DST: variants seen among roughly 807,000 people sequenced by gnomAD.
DST encodes bullous pemphigoid antigen.
Under a neutral mutation model 875.2 loss-of-function variants are expected in DST, and 253 were observed. That is an observed-to-expected ratio of 0.29 (90% CI 0.26 to 0.32). The LOEUF is 0.32. Among genes scored for constraint, DST ranks in the 10% least tolerant of loss-of-function variants. The probability of loss-of-function intolerance (pLI) is 1.00; values close to 1 mark genes in which losing one functional copy is unlikely to be tolerated. For missense variants in DST, 8,287 were observed against 9,111.6 expected (o/e 0.91, Z 3.68); for synonymous variants, 3,124 against 3,197.1 (o/e 0.98, Z 0.77).
intron 4 of DST, among the ~76,000 whole-genome samples, chr6:56,771,283 T>C (rs1234467973): frequency 6.6e-6 from 1 of 152,114 alleles, no homozygotes. Context: ...ACTTTAGAAG[T>C]TCATAAATTC....
chr6:56,854,347 A>G (rs1481760471), intron 3 of DST, among the ~76,000 whole-genome samples: 2 of 152,088 alleles, frequency 1.3e-5, no homozygotes, highest in East Asian at 3.9e-4. Flanking sequence ...GGCTCCTGTA[A>G]TCAACAAAAG....
intron 89 of DST, 24 bp from the exon 90 acceptor site, chr6:56,482,202 C>T (rs2095424408): frequency 6.3e-7 from 1 of 1,593,138 alleles, no homozygotes; most frequent in Non-Finnish European, 8.6e-7. Flanking sequence ...CACACACACA[C>T]CCCAAACAAA....
chr6:56,626,323 A>G (rs2098734731), intron 34 of DST, among the ~76,000 whole-genome samples: 1 of 152,140 alleles, frequency 6.6e-6, no homozygotes, highest in Non-Finnish European at 1.5e-5. Flanking sequence ...AGCTCCATTC[A>G]TGGTAGGTGC....
chr6:56,811,183 C>CAAAAAAA (rs371256050), intron 4 of DST, among the ~76,000 whole-genome samples: 2 of 33,326 alleles, frequency 6.0e-5, no homozygotes, highest in African/African-American at 1.2e-4. Flanking sequence ...GACCCTGTCT[C>CAAAAAAA]AAAAAAAAAA....
intron 78 of DST, among the ~76,000 whole-genome samples, chr6:56,502,691 G>A (rs2096175307): frequency 6.6e-6 from 1 of 151,980 alleles, no homozygotes; most frequent in Non-Finnish European, 1.5e-5. Flanking sequence ...TGTACATAAA[G>A]TATATCATAT....
At chr6:56,599,501 A>C (rs2098423041) in intron 45 of DST, among the ~76,000 whole-genome samples, 1 of 152,124 alleles carries the variant, frequency 6.6e-6, no homozygotes, top group African/African-American at 2.4e-5. Flanking sequence ...TGACCTATGA[A>C]GAAACTGAGG....
chr6:56,637,292 G>GA (rs1385806172), intron 22 of DST, among the ~76,000 whole-genome samples: 1 of 151,992 alleles, frequency 6.6e-6, no homozygotes, highest in Non-Finnish European at 1.5e-5. Flanking sequence ...CTGGCTACGG[G>GA]AAAAAATATT....
intron 49 of DST, among the ~76,000 whole-genome samples, chr6:56,584,925 T>G: frequency 6.6e-6 from 1 of 152,058 alleles, no homozygotes; most frequent in Non-Finnish European, 1.5e-5. Flanking sequence ...GAACCAGCCT[T>G]GCATCCCAGG....
At chr6:56,757,731 C>A (rs1480549280) in intron 4 of DST, among the ~76,000 whole-genome samples, 3 of 152,160 alleles carry the variant, frequency 2.0e-5, no homozygotes, top group Non-Finnish European at 4.4e-5. Context: ...GGGACACAGA[C>A]CCGATGAATA....
At chr6:56,782,940 T>C (rs1215465154) in intron 4 of DST, among the ~76,000 whole-genome samples, 1 of 152,202 alleles carries the variant, frequency 6.6e-6, no homozygotes, top group East Asian at 1.9e-4. Context: ...TTCTCGTTGG[T>C]TTCAAAGAAC....
chr6:56,469,745 G>A, intron 97 of DST, 138 bp downstream of exon 97: 2 of 712,210 alleles, frequency 2.8e-6, no homozygotes, highest in Non-Finnish European at 4.8e-6. Flanking sequence ...AAATGTAAGA[G>A]TTTCATATAC....
At chr6:56,511,086 G>A in intron 73 of DST, 111 bp downstream of exon 73, 4 of 922,816 alleles carry the variant, frequency 4.3e-6, no homozygotes, top group Non-Finnish European at 6.5e-6. Context: ...ACTCAAGAGT[G>A]AATGTGGTGA....
At chr6:56,530,702 A>G (rs912269404) in intron 64 of DST, among the ~76,000 whole-genome samples, 1 of 152,220 alleles carries the variant, frequency 6.6e-6, no homozygotes, top group Admixed American at 6.5e-5. Context: ...ATGGATTAAA[A>G]TATCATGAAC....
At chr6:56,728,985 C>T (rs1198627687) in intron 5 of DST, among the ~76,000 whole-genome samples, 3 of 136,560 alleles carry the variant, frequency 2.2e-5, no homozygotes, top group East Asian at 2.0e-4. Flanking sequence ...CACACACACA[C>T]ACACACACAC....
intron 5 of DST, among the ~76,000 whole-genome samples, chr6:56,711,947 C>T (rs1175069411): frequency 3.3e-5 from 5 of 150,976 alleles, no homozygotes; most frequent in Admixed American, 6.6e-5. Flanking sequence ...AAAAATTAGC[C>T]GGGCGTAGTG....
At chr6:56,789,410 C>A (rs1326990361) in intron 4 of DST, among the ~76,000 whole-genome samples, 1 of 152,186 alleles carries the variant, frequency 6.6e-6, no homozygotes, top group South Asian at 2.1e-4. Context: ...ACAAATGATA[C>A]CTTTTAAAAT....
intron 9 of DST, among the ~76,000 whole-genome samples, chr6:56,697,498 G>A (rs374075687): frequency 7.9e-5 from 12 of 152,124 alleles, no homozygotes; most frequent in East Asian, 1.9e-4. Context: ...TCCTGTCACC[G>A]AAAAAGATTT....
Position 56,950,616 on chromosome 6 carries a change from T to C in DST, c.216+3169A>G, listed in dbSNP as rs558592168. ...ACGCTTGGTTTCTAGACTGTCTTGC[T>C]ACATCAATGTGAAATCACTTCTCTT... On this transcript the variant is annotated intron_variant, in intron 2 of 103. Transcript: ENST00000680361. Among the ~76,000 whole-genome samples the C allele has an allele frequency of 1.6e-4, 24 of 152,352 alleles. No homozygotes were observed. The South Asian group carries it at 4.1e-3, about 26-fold the overall frequency.
intron 10 of DST, among the ~76,000 whole-genome samples, chr6:56,668,768 C>CA (rs1163401746): frequency 5.3e-5 from 8 of 150,958 alleles, no homozygotes; most frequent in Admixed American, 5.3e-4. Flanking sequence ...AATTCCGTCT[C>CA]AAAAAATTAA....
Sources: gnomAD v4.1 joint callset for allele counts (sites outside exome capture counted in the v4.1 genomes callset) on GRCh38, gnomAD v4.1.1 for gene constraint, MANE v1.5 for transcripts, NCBI Gene and HGNC (gene_info 2026-07-23, HGNC 2026-07-21) for gene names.